The following NXN variants were observed in gnomAD, a reference collection of about 807,000 sequenced individuals.
NXN encodes nucleoredoxin 1.
In NXN, 16 loss-of-function variants were observed where a neutral mutation model predicts 48.6. The observed-to-expected ratio is 0.33, with a 90% CI of 0.22 to 0.50. The LOEUF is 0.50. Among genes scored for constraint, NXN ranks in the 20% least tolerant of loss-of-function variants. The pLI, the probability that NXN is intolerant of heterozygous loss-of-function variation, is 0.98. For missense variants in NXN, 492 were observed against 605.5 expected (o/e 0.81, Z 1.97); for synonymous variants, 281 against 269.6 (o/e 1.04, Z -0.41).
intron 5 of NXN, among the ~76,000 whole-genome samples, chr17:813,134 A>C (rs796550581): frequency 6.6e-6 from 1 of 152,262 alleles, no homozygotes; most frequent in South Asian, 2.1e-4. Flanking sequence ...GCTCAGAAAT[A>C]TTCAGAATTC....
chr17:859,054 C>A (rs565236153), intron 1 of NXN, among the ~76,000 whole-genome samples: 2 of 152,198 alleles, frequency 1.3e-5, no homozygotes, highest in Non-Finnish European at 2.9e-5. Context: ...GGATCTGGTT[C>A]GAAGGCCATG....
At chr17:955,938 G>GC (rs1311937696) in intron 1 of NXN, among the ~76,000 whole-genome samples, 6 of 151,744 alleles carry the variant, frequency 4.0e-5, no homozygotes, top group Non-Finnish European at 7.4e-5. Context: ...AATATGACTG[G>GC]CCCAGCCATA....
chr17:842,968 GAA>G (rs760834873), intron 1 of NXN, among the ~76,000 whole-genome samples: 3 of 104,520 alleles, frequency 2.9e-5, no homozygotes, highest in Non-Finnish European at 4.1e-5. Context: ...AAGAAAGAGA[GAA>G]AGAGAGAAAG....
At chr17:937,782 G>A (rs139579159) in intron 1 of NXN, among the ~76,000 whole-genome samples, 2,214 of 152,316 alleles carry the variant, frequency 0.015, 28 homozygotes, top group Non-Finnish European at 0.025. Flanking sequence ...GAGAATTCAC[G>A]GGGCGTTCGA....
At chr17:842,868 G>A (rs1018035867) in intron 1 of NXN, among the ~76,000 whole-genome samples, 60 of 152,238 alleles carry the variant, frequency 3.9e-4, no homozygotes, top group Non-Finnish European at 7.9e-4. Flanking sequence ...GAACCTGGGA[G>A]GCGGAGGTTG....
rs762003466 is a variant in NXN at position 853,721 on chromosome 17, A to ATTTTT, written c.361-27644_361-27643insAAAAA. Among the ~76,000 whole-genome samples, 34 of 105,144 alleles carry ATTTTT rather than the reference A, an allele frequency of 3.2e-4. 1 individual carries two copies. Among genetic ancestry groups the ATTTTT allele is most frequent in the African/African-American group, 1.6e-3 (33 of 20,816 alleles). 69.0% of individuals were successfully genotyped at this position (105,144 alleles called of 152,430 possible). A position where few individuals can be genotyped will look rare whatever the true frequency, so the allele number is the denominator to read the frequency against. The stretch of plus-strand genomic sequence containing the variant: ...TATACACATATATATATATATATAT[A>ATTTTT]TATTTTTTTTTTTTTTTCCAAGACG... On this transcript the variant is annotated intron_variant, in intron 1 of 7. Transcript: ENST00000336868.
intron 1 of NXN, among the ~76,000 whole-genome samples, chr17:907,311 G>A (rs1304428698): frequency 6.6e-6 from 1 of 150,854 alleles, no homozygotes; most frequent in South Asian, 2.1e-4. Flanking sequence ...AATATTTTAG[G>A]ATTGTGAGGA....
At chr17:809,619 T>C (rs1911793153) in intron 5 of NXN, among the ~76,000 whole-genome samples, 1 of 152,104 alleles carries the variant, frequency 6.6e-6, no homozygotes, top group Non-Finnish European at 1.5e-5. Context: ...CAAAGATTGC[T>C]GGGAGCTGGG....
intron 1 of NXN, among the ~76,000 whole-genome samples, chr17:915,450 ATTTTTGTATT>A (rs1166204682): frequency 2.0e-5 from 3 of 151,696 alleles, no homozygotes; most frequent in Non-Finnish European, 4.4e-5. Flanking sequence ...CACCCAGCTA[ATTTTTGTATT>A]TTTTTGTAAA....
At chr17:875,686 G>C (rs1266445604) in intron 1 of NXN, among the ~76,000 whole-genome samples, 3 of 151,600 alleles carry the variant, frequency 2.0e-5, no homozygotes, top group Non-Finnish European at 4.4e-5. Context: ...CCAACTCCCT[G>C]GGCTCAAGTG....
chr17:937,096 C>G (rs935527611), intron 1 of NXN, among the ~76,000 whole-genome samples: 2 of 152,000 alleles, frequency 1.3e-5, no homozygotes, highest in African/African-American at 4.8e-5. Flanking sequence ...GATCCTCCCA[C>G]CTCGGTGTCC....
chr17:842,391 A>T, intron 1 of NXN: 1 of 386,622 alleles, frequency 2.6e-6, no homozygotes, highest in Non-Finnish European at 3.5e-6. Flanking sequence ...AGAAATGGAA[A>T]TGCAGTGCTG....
chr17:896,859 C>A (rs997715103), intron 1 of NXN: 2 of 541,034 alleles, frequency 3.7e-6, no homozygotes, highest in South Asian at 1.7e-5. Flanking sequence ...TCCTGACCAC[C>A]CGCCCCCGGC....
At chr17:954,039 T>C (rs1478758585) in intron 1 of NXN, among the ~76,000 whole-genome samples, 1 of 152,172 alleles carries the variant, frequency 6.6e-6, no homozygotes, top group African/African-American at 2.4e-5. Context: ...ACAAAGTACT[T>C]GAAAGCACAC....
intron 1 of NXN, among the ~76,000 whole-genome samples, chr17:955,455 A>C (rs1425151986): frequency 2.0e-5 from 3 of 149,914 alleles, no homozygotes; most frequent in Non-Finnish European, 4.4e-5. Flanking sequence ...CAGGCATGAG[A>C]CACTGTGCCT....
At chr17:804,596 C>G (rs1026276020) in intron 6 of NXN, among the ~76,000 whole-genome samples, 3 of 152,172 alleles carry the variant, frequency 2.0e-5, no homozygotes, top group Admixed American at 6.5e-5. Context: ...GGGCAGTTAC[C>G]CACGGAGCTC....
At chr17:940,204 A>C (rs947201127) in intron 1 of NXN, among the ~76,000 whole-genome samples, 1 of 149,822 alleles carries the variant, frequency 6.7e-6, no homozygotes, top group Admixed American at 6.6e-5. Flanking sequence ...AAAGTGCTGG[A>C]ATTACAGGCA....
intron 7 of NXN, among the ~76,000 whole-genome samples, chr17:802,705 C>T (rs1335647405): frequency 2.0e-5 from 3 of 152,164 alleles, no homozygotes; most frequent in Non-Finnish European, 2.9e-5. Flanking sequence ...CCTCCACCCC[C>T]GGGCTGAGCA....
chr17:871,777 A>G (rs907606746), intron 1 of NXN, among the ~76,000 whole-genome samples: 1 of 152,196 alleles, frequency 6.6e-6, no homozygotes, highest in Admixed American at 6.5e-5. Context: ...GGCATGTGTT[A>G]TCCAGCCCTG....
Sources: allele counts gnomAD v4.1 joint callset (sites outside exome capture counted in the v4.1 genomes callset), GRCh38; gene constraint gnomAD v4.1.1; transcripts MANE v1.5; gene names NCBI Gene and HGNC (gene_info 2026-07-23, HGNC 2026-07-21).